Variants in DROSHA observed in about 807,000 individuals in gnomAD.
DROSHA encodes ribonuclease 3.
In DROSHA, 56 loss-of-function variants were observed where a neutral mutation model predicts 181.9. The ratio of observed to expected loss-of-function variants is 0.31; its 90% CI spans 0.25 to 0.38. The LOEUF (loss-of-function observed/expected upper bound fraction) is 0.38. DROSHA is among the 10% of genes least tolerant of loss of function. The probability of loss-of-function intolerance (pLI) is 1.00; values close to 1 mark genes in which losing one functional copy is unlikely to be tolerated. For missense variants in DROSHA, 1,218 were observed against 1,743.5 expected (o/e 0.70, Z 5.37); for synonymous variants, 524 against 591.2 (o/e 0.89, Z 1.65).
intron 18 of DROSHA, among the ~76,000 whole-genome samples, chr5:31,466,809 C>G (rs1749067876): frequency 6.6e-6 from 1 of 152,118 alleles, no homozygotes; most frequent in South Asian, 2.1e-4. Flanking sequence ...GGATAAAAGA[C>G]TAATGGTGTA....
At position 31,429,548 on chromosome 5, in the gene DROSHA, A is replaced by C; in HGVS notation, c.3146-3T>G. On this transcript the variant is annotated splice_polypyrimidine_tract_variant and splice_region_variant and intron_variant, in intron 26 of 35. Transcript: ENST00000344624. ...GCTTCCCTCCAAGTAAACAGCTCCTAGATGAAAAACAGAGAATGCCAAAAG... is the reference window on the plus strand; with the variant it reads ...GCTTCCCTCCAAGTAAACAGCTCCTCGATGAAAAACAGAGAATGCCAAAAG... 1 of 1,610,926 alleles carries C rather than the reference A, an allele frequency of 6.2e-7. No homozygotes were observed. Among genetic ancestry groups the C allele is most frequent in the Non-Finnish European group, 8.5e-7 (1 of 1,178,264 alleles).
In DROSHA at chr5:31,508,682, T is replaced by C. The variant is rs768183605; in HGVS notation, c.1526A>G (p.Lys509Arg). The C allele has an allele frequency of 6.2e-7, 1 of 1,613,948 alleles. No individual in the cohort carries two copies. The highest frequency in any genetic ancestry group is 8.5e-7 in the Non-Finnish European group (1 of 1,179,874). ...SEVFDVIAEI[K>R]RKKAHPDRLH... The stretch of plus-strand genomic sequence containing the variant: ...TCGGTCAGGGTGGGCCTTTTTGCGT[T>C]TGATTTCTGCAATAACGTCAAAAAC... Residue 509 changes from lysine (K) to arginine (R), a missense_variant, in exon 10 of 36, where the codon AAA becomes AGA. Physicochemically the swap from Lys to Arg is conservative, Grantham distance 26 (BLOSUM62 2). Transcript: ENST00000344624.
intron 12 of DROSHA, among the ~76,000 whole-genome samples, chr5:31,494,153 A>G (rs1380164152): frequency 6.6e-6 from 1 of 152,006 alleles, no homozygotes; most frequent in Non-Finnish European, 1.5e-5. Flanking sequence ...ATTTTAGTAG[A>G]GATGGGGTTC....
chr5:31,486,887 TTC>T (rs1290565720), intron 13 of DROSHA, among the ~76,000 whole-genome samples: 1 of 152,148 alleles, frequency 6.6e-6, no homozygotes, highest in Non-Finnish European at 1.5e-5. Flanking sequence ...CCATAAACAT[TTC>T]TGTTTCTCAA....
chr5:31,445,094 T>A (rs1288562006), intron 23 of DROSHA, among the ~76,000 whole-genome samples: 2 of 152,218 alleles, frequency 1.3e-5, no homozygotes, highest in African/African-American at 2.4e-5. Context: ...TCAATCTCAG[T>A]CTGGATCCCC....
chr5:31,461,723 G>A (rs530042322), intron 20 of DROSHA, among the ~76,000 whole-genome samples: 72 of 149,700 alleles, frequency 4.8e-4, no homozygotes, highest in Non-Finnish European at 9.0e-4. Context: ...TACTTTTGCC[G>A]TTTTCCCCTA....
rs770477585 is a variant in DROSHA, at chr5:31,410,756, G to A, written c.3657C>T (p.Asp1219=). 2 of 1,613,330 alleles carry A rather than the reference G, an allele frequency of 1.2e-6. No homozygotes were observed. The highest frequency in any genetic ancestry group is 3.3e-5 in the Admixed American group (2 of 59,936). ...PVALRTKTLA[D]LLESFIAALY... The stretch of plus-strand genomic sequence containing the variant: ...GTGTGTGGCACTCACATTCCAAAAG[G>A]TCCGCCAAGGTCTTGGTGCGAAGCG... Residue 1219 remains aspartate, a synonymous_variant, in exon 31 of 36, where the codon GAC becomes GAT. Coordinates refer to ENST00000344624, the MANE Select transcript of DROSHA (RefSeq NM_001382508.1).
At chr5:31,413,243 G>A (rs1309492393) in intron 30 of DROSHA, among the ~76,000 whole-genome samples, 1 of 152,112 alleles carries the variant, frequency 6.6e-6, no homozygotes, top group Non-Finnish European at 1.5e-5. Context: ...GCAGAAGGGT[G>A]GCCAATAATA....
chr5:31,478,317 CA>C (rs1302205171), intron 16 of DROSHA, among the ~76,000 whole-genome samples: 3 of 151,694 alleles, frequency 2.0e-5, no homozygotes, highest in Non-Finnish European at 1.5e-5. Context: ...AAGAAAAATC[CA>C]AAAAAAACTC....
chr5:31,501,909 C>T (rs750647223), intron 11 of DROSHA, among the ~76,000 whole-genome samples: 1 of 152,178 alleles, frequency 6.6e-6, no homozygotes, highest in Admixed American at 6.5e-5. Flanking sequence ...GATGATCAGG[C>T]TAGAGACCTT....
At chr5:31,410,983 G>A (rs1741242894) in intron 30 of DROSHA, 96 bp from the exon 31 acceptor site, 5 of 1,534,380 alleles carry the variant, frequency 3.3e-6, no homozygotes, top group Non-Finnish European at 4.4e-6. Context: ...GGCTGTCACT[G>A]ACAGGGACAC....
chr5:31,411,772 A>G lies in DROSHA; in HGVS notation c.3526-885T>C, dbSNP rs10940952. Among the ~76,000 whole-genome samples, 35,271 of 151,854 alleles carry G rather than the reference A, an allele frequency of 0.23. 4,373 individuals are homozygous for G. The highest frequency in any genetic ancestry group is 0.46 in the East Asian group (2,347 of 5,138). On this transcript the variant is annotated intron_variant, in intron 30 of 35. Coordinates refer to ENST00000344624, the MANE Select transcript of DROSHA (RefSeq NM_001382508.1). This position sits in a 1 kb window ranked among gnomAD's most constrained non-coding sequence, Gnocchi z 4.2. The stretch of plus-strand genomic sequence containing the variant: ...CTCCCGAGTAGCTGTGACTATAGGC[A>G]CCTGCCAACATGCCCAGCTAATTTT...
intron 35 of DROSHA, 38 bp downstream of exon 35, chr5:31,405,638 AC>A: frequency 6.6e-7 from 1 of 1,512,860 alleles, no homozygotes; most frequent in South Asian, 1.3e-5. Context: ...AACACTCATT[AC>A]ATTATGAACA....
In DROSHA at chr5:31,511,197, A is replaced by G. The variant is rs780720533; in HGVS notation, c.1291-21T>C. The G allele has an allele frequency of 1.1e-5, 18 of 1,606,794 alleles. No homozygotes were observed. The South Asian group carries it at 1.9e-4, about 17-fold the overall frequency. On this transcript the variant is annotated intron_variant, in intron 8 of 35. Transcript: ENST00000344624. ...TCTCCCTTTTAAAAATAAAGGATCA[A>G]TATTAGGAACTATATCAATAACGAT... is the stretch of plus-strand genomic sequence containing the variant.
chr5:31,509,477 C>G (rs1035613765), intron 9 of DROSHA, among the ~76,000 whole-genome samples: 1 of 152,120 alleles, frequency 6.6e-6, no homozygotes, highest in Non-Finnish European at 1.5e-5. Context: ...ACATGTGACC[C>G]AGGCACTGCA....
intron 16 of DROSHA, among the ~76,000 whole-genome samples, chr5:31,478,497 G>A (rs1229475920): frequency 6.6e-6 from 1 of 152,180 alleles, no homozygotes; most frequent in African/African-American, 2.4e-5. Flanking sequence ...AGCACTTTAG[G>A]AGGCTGAGGC....
chr5:31,416,897 A>G (rs1052956396), intron 30 of DROSHA, among the ~76,000 whole-genome samples: 4 of 152,222 alleles, frequency 2.6e-5, no homozygotes, highest in Admixed American at 6.5e-5. Flanking sequence ...ATACTTGCTG[A>G]GCACTGATAT....
At position 31,526,220 on chromosome 5, in the gene DROSHA, T is replaced by C. The variant is rs1358530359; in HGVS notation, c.713A>G (p.His238Arg). 6.2e-7 allele frequency: 1 copy of C among 1,613,926 alleles called. No homozygotes were observed. Among genetic ancestry groups the C allele is most frequent in the East Asian group, 2.2e-5 (1 of 44,882 alleles). The change falls in exon 5 of 36, where the codon CAT becomes CGT. Residue 238 changes from histidine to arginine, a missense_variant. Around this residue, in one of 8 missense-constraint regions of DROSHA, gnomAD observed 536 missense variants for 535.4 expected, o/e 1.00. Transcript: ENST00000344624. ...GGACCGATGCCTCTCACCTCGCCCA[T>C]GACTGTGATCTCGGTGCCTGTGGTC... is the stretch of plus-strand genomic sequence containing the variant. Reference protein sequence around the residue: ...YDDHRHRDHSHGRGERHRSLD... With the variant: ...YDDHRHRDHSRGRGERHRSLD...
In DROSHA at chr5:31,485,050, A is replaced by G. The variant is rs80044720; in HGVS notation, c.1915-88T>C. 3,969 of 925,554 alleles carry G rather than the reference A, an allele frequency of 4.3e-3. 87 individuals are homozygous for G. The African/African-American group carries it at 0.056, about 13-fold the overall frequency. 57.3% of individuals were successfully genotyped at this position (925,554 alleles called of 1,614,324 possible). On this transcript the variant is annotated intron_variant, in intron 14 of 35. Transcript: ENST00000344624. The stretch of plus-strand genomic sequence containing the variant: ...AACTTGTTCTTGTCAAGTGTCTTTA[A>G]AAGTGTCTGTTAAAACTATACTAAG...
Sources: allele counts gnomAD v4.1 joint callset (sites outside exome capture counted in the v4.1 genomes callset), GRCh38; gene constraint gnomAD v4.1.1; regional missense constraint gnomAD v4.1.1; non-coding constraint Gnocchi (gnomAD v3.1); transcripts MANE v1.5; gene names NCBI Gene and HGNC (gene_info 2026-07-23, HGNC 2026-07-21).